GNAQ: variants seen among roughly 807,000 people sequenced by gnomAD.
GNAQ encodes guanine nucleotide-binding protein G(q) subunit alpha.
Under a neutral mutation model 43.9 loss-of-function variants are expected in GNAQ, and 8 were observed. The observed-to-expected ratio is 0.18, with a 90% CI of 0.11 to 0.33. The LOEUF (loss-of-function observed/expected upper bound fraction) is 0.33. Ranked by LOEUF, GNAQ falls within the 10% of genes least tolerant of loss-of-function variation. GNAQ has a pLI of 1.00. For missense variants in GNAQ, 158 were observed against 450.8 expected, an observed-to-expected ratio of 0.35 and a Z score of 5.88; for synonymous variants, 155 against 170.7, an observed-to-expected ratio of 0.91 and a Z score of 0.71.
chr9:78,022,252 T>A (rs1823920285), intron 1 of GNAQ, among the ~76,000 whole-genome samples: 1 of 152,158 alleles, frequency 6.6e-6, no homozygotes, highest in Non-Finnish European at 1.5e-5. Flanking sequence ...GGGGTGAGTT[T>A]GGGCAGAAAG....
chr9:77,855,381 C>A (rs556260173), intron 2 of GNAQ, among the ~76,000 whole-genome samples: 2 of 151,978 alleles, frequency 1.3e-5, no homozygotes, highest in Non-Finnish European at 2.9e-5. Context: ...TAAAAGCAAA[C>A]GAAAGAACCT....
At chr9:77,902,006 C>T (rs950636253) in intron 2 of GNAQ, among the ~76,000 whole-genome samples, 4 of 152,158 alleles carry the variant, frequency 2.6e-5, no homozygotes, top group East Asian at 1.9e-4. Context: ...CCAAAGGCCC[C>T]GCCTCCCAAT....
intron 1 of GNAQ, among the ~76,000 whole-genome samples, chr9:77,950,095 G>A (rs534675303): frequency 6.6e-6 from 1 of 152,108 alleles, no homozygotes; most frequent in Admixed American, 6.5e-5. Flanking sequence ...TCATATCTGG[G>A]TTAAACTACA....
intron 1 of GNAQ, among the ~76,000 whole-genome samples, chr9:77,987,606 C>T (rs111957116): frequency 1.6e-4 from 24 of 152,272 alleles, no homozygotes; most frequent in African/African-American, 2.4e-4. Flanking sequence ...CTCATTCATC[C>T]GGTCCGCAAT....
At chr9:77,978,385 T>C (rs574457082) in intron 1 of GNAQ, among the ~76,000 whole-genome samples, 19 of 152,302 alleles carry the variant, frequency 1.2e-4, no homozygotes, top group African/African-American at 4.6e-4. Context: ...TTTCTCTACA[T>C]CCCACCATGT....
At chr9:78,005,497 A>T (rs1823694310) in intron 1 of GNAQ, among the ~76,000 whole-genome samples, 1 of 152,224 alleles carries the variant, frequency 6.6e-6, no homozygotes, top group Non-Finnish European at 1.5e-5. Context: ...ATACTAACCA[A>T]AGGGTAAATA....
At chr9:77,962,101 A>C (rs925114402) in intron 1 of GNAQ, among the ~76,000 whole-genome samples, 7 of 152,188 alleles carry the variant, frequency 4.6e-5, no homozygotes, top group Non-Finnish European at 1.0e-4. Context: ...GAACCTGATG[A>C]CACAAAAATA....
At chr9:78,023,784 G>A (rs150199739) in intron 1 of GNAQ, among the ~76,000 whole-genome samples, 90 of 151,898 alleles carry the variant, frequency 5.9e-4, no homozygotes, top group African/African-American at 2.1e-3. Context: ...TTTTCCAAAG[G>A]GAAAAAAAAT....
chr9:77,744,314 T>C (rs1201491844), intron 5 of GNAQ, among the ~76,000 whole-genome samples: 1 of 152,190 alleles, frequency 6.6e-6, no homozygotes, highest in African/African-American at 2.4e-5. Flanking sequence ...GACTTCTCCA[T>C]CACATTATTT....
intron 1 of GNAQ, among the ~76,000 whole-genome samples, chr9:78,024,997 T>G (rs1238980661): frequency 2.0e-5 from 3 of 152,230 alleles, no homozygotes; most frequent in African/African-American, 7.2e-5. Flanking sequence ...GCACTGATTA[T>G]GGCTATGTAT....
intron 1 of GNAQ, among the ~76,000 whole-genome samples, chr9:78,014,195 G>A (rs1283814863): frequency 6.6e-6 from 1 of 152,114 alleles, no homozygotes; most frequent in African/African-American, 2.4e-5. Flanking sequence ...AGGGGTAGCT[G>A]CAAGAAATCA....
At chr9:78,003,890 G>T (rs992231338) in intron 1 of GNAQ, among the ~76,000 whole-genome samples, 6 of 150,810 alleles carry the variant, frequency 4.0e-5, no homozygotes, top group Non-Finnish European at 7.4e-5. Context: ...TGCCAAAGTA[G>T]AAAGTACCAA....
intron 1 of GNAQ, among the ~76,000 whole-genome samples, chr9:78,024,793 G>A (rs968745309): frequency 1.3e-5 from 2 of 151,910 alleles, no homozygotes; most frequent in Admixed American, 1.3e-4. Flanking sequence ...TTGTTCATTT[G>A]ACTAGCATTC....
At chr9:77,920,230 TTTAACATC>T (rs1245110634) in intron 2 of GNAQ, among the ~76,000 whole-genome samples, 1 of 152,192 alleles carries the variant, frequency 6.6e-6, no homozygotes, top group African/African-American at 2.4e-5. Flanking sequence ...CCACCCCATC[TTTAACATC>T]TACATGACTG....
chr9:77,908,254 A>T (rs547086434), intron 2 of GNAQ, among the ~76,000 whole-genome samples: 1 of 152,242 alleles, frequency 6.6e-6, no homozygotes, highest in East Asian at 1.9e-4. Context: ...CCTTTATCTC[A>T]GCAGTGACAG....
At chr9:78,007,222 C>T (rs370921510) in intron 1 of GNAQ, among the ~76,000 whole-genome samples, 1 of 150,928 alleles carries the variant, frequency 6.6e-6, no homozygotes, top group African/African-American at 2.4e-5. Flanking sequence ...AGAATTGATA[C>T]TAATATTTGT....
chr9:77,989,044 A>AT (rs1331622785), intron 1 of GNAQ, among the ~76,000 whole-genome samples: 1 of 152,122 alleles, frequency 6.6e-6, no homozygotes. Context: ...TATTTTGTTT[A>AT]TTTTTTAAAA....
chr9:77,910,877 T>C (rs1828790422), intron 2 of GNAQ, among the ~76,000 whole-genome samples: 1 of 152,194 alleles, frequency 6.6e-6, no homozygotes, highest in African/African-American at 2.4e-5. Flanking sequence ...ACAACAGTTT[T>C]GTCGTAGAGT....
At chr9:77,989,311 AG>A (rs1823480410) in intron 1 of GNAQ, among the ~76,000 whole-genome samples, 1 of 152,190 alleles carries the variant, frequency 6.6e-6, no homozygotes, top group Non-Finnish European at 1.5e-5. Context: ...CAAATCAGTT[AG>A]GGCACCCATC....
Sources: allele counts gnomAD v4.1 joint callset (sites outside exome capture counted in the v4.1 genomes callset), GRCh38; gene constraint gnomAD v4.1.1; transcripts MANE v1.5; gene names NCBI Gene and HGNC (gene_info 2026-07-23, HGNC 2026-07-21).